Variants in MYBPC1 observed in about 807,000 individuals in gnomAD.
MYBPC1 encodes myosin-binding protein C, slow-type.
In MYBPC1, 52 loss-of-function variants were observed where a neutral mutation model predicts 147.1. That is an observed-to-expected ratio of 0.35 (90% CI 0.28 to 0.45). MYBPC1 has a LOEUF of 0.45. Among genes scored for constraint, MYBPC1 ranks in the 20% least tolerant of loss-of-function variants. The probability of loss-of-function intolerance (pLI) is 1.00; values close to 1 mark genes in which losing one functional copy is unlikely to be tolerated. For synonymous variants in MYBPC1, 477 were observed against 475.9 expected (o/e 1.00, Z -0.03); for missense variants, 1,228 against 1,440.3 (o/e 0.85, Z 2.39).
At chr12:101,653,641 A>G (rs1003920186) in intron 18 of MYBPC1, among the ~76,000 whole-genome samples, 2 of 152,196 alleles carry the variant, frequency 1.3e-5, no homozygotes, top group Admixed American at 1.3e-4. Flanking sequence ...TGCATAGTCA[A>G]TGGCAGCCTC....
chr12:101,684,214 C>G (rs540371903), intron 30 of MYBPC1, among the ~76,000 whole-genome samples, 168 bp from the exon 31 acceptor site: 9 of 152,246 alleles, frequency 5.9e-5, no homozygotes, highest in Non-Finnish European at 1.3e-4. Context: ...CCCCACCCTT[C>G]ATTTCATGTG....
chr12:101,614,084 A>G (rs1203346811), intron 1 of MYBPC1, among the ~76,000 whole-genome samples: 1 of 152,142 alleles, frequency 6.6e-6, no homozygotes, highest in Non-Finnish European at 1.5e-5. Context: ...TCATCCTAAC[A>G]GCAGTCCTGC....
intron 15 of MYBPC1, chr12:101,650,835 TTGTGGCTTG>T: frequency 2.6e-5 from 7 of 272,718 alleles, no homozygotes; most frequent in South Asian, 4.3e-5. Context: ...GCTGGAAGTG[TTGTGGCTTG>T]TGAACTGTTG....
chr12:101,647,144 C>G (rs1192927326), intron 13 of MYBPC1: 1 of 473,012 alleles, frequency 2.1e-6, no homozygotes, highest in Non-Finnish European at 3.9e-6. Context: ...TGAAACCCAA[C>G]AGATTTTACT....
intron 3 of MYBPC1, among the ~76,000 whole-genome samples, chr12:101,624,239 A>G (rs1226439476): frequency 1.3e-5 from 2 of 152,144 alleles, no homozygotes; most frequent in East Asian, 1.9e-4. Context: ...AATATATTAT[A>G]TTAGTAATTT....
At chr12:101,695,614 T>A in the MYBPC1 span, among the ~76,000 whole-genome samples, 13,567 of 152,010 alleles carry the variant, frequency 0.089, 710 homozygotes, top group South Asian at 0.19. Flanking sequence ...GTTTTTCCTG[T>A]CCTCTTACTC....
intron 1 of MYBPC1, among the ~76,000 whole-genome samples, chr12:101,597,859 G>A (rs151258684): frequency 4.9e-4 from 74 of 152,206 alleles, no homozygotes; most frequent in Admixed American, 8.5e-4. Flanking sequence ...AAGTTATTCC[G>A]ATCAAATTGG....
chr12:101,617,217 A>T lies in MYBPC1; in HGVS notation c.77A>T (p.Lys26Met). The T allele has an allele frequency of 6.2e-7, 1 of 1,613,842 alleles. No individual in the cohort carries two copies. Among genetic ancestry groups the T allele is most frequent in the African/African-American group, 1.3e-5 (1 of 75,026 alleles). Residue 26 changes from lysine (K) to methionine (M), a missense_variant, in exon 3 of 32, where the codon AAG (lysine) becomes ATG (methionine). By Grantham distance (95) the Lys-to-Met change is moderately conservative. This residue lies in a region of MYBPC1 where 151 missense variants were observed against 126.1 expected (regional missense o/e 1.20). Transcript: ENST00000361466. ...TTCTACACAGAACCAAGTAAAGAGA[A>T]GGAGGCCGGAACTACACCAGCAAAA... ...APPPEEPSKE[K>M]EAGTTPAKDE...
At chr12:101,671,456 C>T (rs1017230070) in intron 24 of MYBPC1, among the ~76,000 whole-genome samples, 2 of 152,280 alleles carry the variant, frequency 1.3e-5, no homozygotes, top group Middle Eastern at 3.4e-3. Flanking sequence ...TCATTGCACT[C>T]CGGGTGCAAA....
Position 101,653,243 on chromosome 12 carries a change from G to C in MYBPC1, c.1762G>C (p.Asp588His), listed in dbSNP as rs1343722419. The part of the protein sequence containing the change: ...PPPKAMWSRG[D>H]KAIMEGSGRI... ...TCCTAAAGCCATGTGGAGCCGGGGA[G>C]ATAAGGTTTGTTTTATGCTTGCACA... Residue 588 changes from aspartate to histidine, a missense_variant, in exon 18 of 32, where the codon GAT becomes CAT. By Grantham distance (81) the Asp-to-His change is moderately conservative. Coordinates refer to ENST00000361466, the MANE Select transcript of MYBPC1 (RefSeq NM_002465.4). 6.2e-7 allele frequency: 1 copy of C among 1,613,846 alleles called. No individual in the cohort carries two copies. Among genetic ancestry groups the C allele is most frequent in the Middle Eastern group, 1.6e-4 (1 of 6,062 alleles).
intron 18 of MYBPC1, 67 bp downstream of exon 18, chr12:101,653,315 C>T: frequency 6.3e-7 from 1 of 1,577,636 alleles, no homozygotes; most frequent in African/African-American, 1.3e-5. Flanking sequence ...CTACCCCACC[C>T]CTTGCCCTCC....
chr12:101,683,420 CA>C (rs1444832997), intron 30 of MYBPC1, among the ~76,000 whole-genome samples: 3 of 149,938 alleles, frequency 2.0e-5, no homozygotes, highest in Non-Finnish European at 4.4e-5. Context: ...GACTTTGTCT[CA>C]AAAAAATAAA....
chr12:101,665,691 G>C (rs757179551), intron 22 of MYBPC1, among the ~76,000 whole-genome samples: 1 of 151,878 alleles, frequency 6.6e-6, no homozygotes, highest in South Asian at 2.1e-4. Context: ...GGCTATTTTT[G>C]TTCCCCCTCT....
intron 3 of MYBPC1, among the ~76,000 whole-genome samples, chr12:101,619,127 C>G (rs568516338): frequency 6.6e-6 from 1 of 152,094 alleles, no homozygotes; most frequent in South Asian, 2.1e-4. Flanking sequence ...GAGAAAGGAG[C>G]CCTGCACGAG....
intron 1 of MYBPC1, among the ~76,000 whole-genome samples, chr12:101,612,524 G>A (rs767802449): frequency 1.3e-5 from 2 of 152,186 alleles, no homozygotes; most frequent in Non-Finnish European, 2.9e-5. Flanking sequence ...CTTTGAATGC[G>A]AACCTGGGGA....
At chr12:101,645,762 A>G (rs1806333534) in intron 12 of MYBPC1, among the ~76,000 whole-genome samples, 1 of 152,350 alleles carries the variant, frequency 6.6e-6, no homozygotes, top group Non-Finnish European at 1.5e-5. Flanking sequence ...TTTTAATCCC[A>G]TCATGTGCTC....
intron 1 of MYBPC1, chr12:101,600,292 C>T (rs1879345230): frequency 6.6e-6 from 1 of 151,836 alleles, no homozygotes; most frequent in Non-Finnish European, 1.5e-5. Flanking sequence ...TGAGACACAG[C>T]CTTGAAACTT....
At chr12:101,635,968 T>A (rs1382100921) in intron 9 of MYBPC1, among the ~76,000 whole-genome samples, 2 of 152,238 alleles carry the variant, frequency 1.3e-5, no homozygotes, top group African/African-American at 4.8e-5. Flanking sequence ...TGCATTTCTC[T>A]ACAAGAAAGC....
intron 3 of MYBPC1, among the ~76,000 whole-genome samples, chr12:101,619,227 AT>A (rs145071721): frequency 2.2e-3 from 313 of 143,500 alleles, no homozygotes; most frequent in Middle Eastern, 0.014. Context: ...CTGTCAGTCT[AT>A]TTTTTTTTTT....
Sources: gnomAD v4.1 joint callset for allele counts (sites outside exome capture counted in the v4.1 genomes callset) on GRCh38, gnomAD v4.1.1 for gene constraint, gnomAD v4.1.1 regional missense constraint, MANE v1.5 for transcripts, NCBI Gene and HGNC (gene_info 2026-07-23, HGNC 2026-07-21) for gene names.